The following DPP10 variants were observed in gnomAD, a reference collection of about 807,000 sequenced individuals.
DPP10 encodes the protein dipeptidyl peptidase like 10.
DPP10 carries 33 observed loss-of-function variants against 120.9 expected under a neutral mutation model. The observed-to-expected ratio is 0.27, with a 90% CI of 0.21 to 0.37. The LOEUF (loss-of-function observed/expected upper bound fraction) is 0.37, where lower values mean the gene tolerates loss of function less well. Among genes scored for constraint, DPP10 ranks in the 10% least tolerant of loss-of-function variants. The probability of loss-of-function intolerance (pLI) is 1.00; values close to 1 mark genes in which losing one functional copy is unlikely to be tolerated. For missense variants in DPP10, 816 were observed against 942.8 expected, an observed-to-expected ratio of 0.87 and a Z score of 1.76; for synonymous variants, 337 against 326.1, an observed-to-expected ratio of 1.03 and a Z score of -0.36.
intron 1 of DPP10, among the ~76,000 whole-genome samples, chr2:114,518,340 C>G (rs1371252895): frequency 1.3e-5 from 2 of 151,844 alleles, no homozygotes; most frequent in African/African-American, 4.8e-5. Context: ...GGCCTCCCAA[C>G]GTGCTAGGAT....
chr2:115,819,850 C>T (rs1488016430), intron 21 of DPP10, among the ~76,000 whole-genome samples: 6 of 151,958 alleles, frequency 3.9e-5, no homozygotes, highest in Admixed American at 1.3e-4. Context: ...CAAAACTAGC[C>T]GGGCATGGTG....
chr2:115,534,412 C>T (rs1379371934), intron 5 of DPP10, among the ~76,000 whole-genome samples: 1 of 151,144 alleles, frequency 6.6e-6, no homozygotes, highest in Non-Finnish European at 1.5e-5. Context: ...TTTCCAATTT[C>T]ATCCATGTCC....
chr2:114,620,061 A>G (rs1391327906), intron 1 of DPP10, among the ~76,000 whole-genome samples: 1 of 151,890 alleles, frequency 6.6e-6, no homozygotes, highest in Admixed American at 6.6e-5. Context: ...TCCTTCTACA[A>G]CTTATTATGT....
chr2:115,046,977 A>T (rs1334417343), intron 1 of DPP10, among the ~76,000 whole-genome samples: 1 of 152,048 alleles, frequency 6.6e-6, no homozygotes, highest in Admixed American at 6.6e-5. Context: ...CATCTGGTAC[A>T]TATTAACCAT....
chr2:115,676,510 G>C (rs1405492794), intron 5 of DPP10, among the ~76,000 whole-genome samples: 6 of 151,798 alleles, frequency 4.0e-5, no homozygotes, highest in Non-Finnish European at 5.9e-5. Context: ...TATTAAAAAA[G>C]AACCAAACAG....
rs191068767 is a variant in DPP10 at position 115,115,784 on chromosome 2, A to G, written c.61-193455A>G. Among the ~76,000 whole-genome samples the G allele has an allele frequency of 2.2e-3, 339 of 152,332 alleles. 1 individual carries two copies. Among genetic ancestry groups the G allele is most frequent in the African/African-American group, 7.6e-3 (318 of 41,572 alleles). On this transcript the variant is annotated intron_variant, in intron 1 of 25. Transcript: ENST00000410059. Reference sequence around the variant, plus strand: ...GTAATCCATAAAATTAGTAATATAAAAAGAAAATGCTCAAGATAATTGTGA... The same window carrying G: ...GTAATCCATAAAATTAGTAATATAAGAAGAAAATGCTCAAGATAATTGTGA...
chr2:114,801,212 G>A (rs1201384112), intron 1 of DPP10, among the ~76,000 whole-genome samples: 1 of 146,774 alleles, frequency 6.8e-6, no homozygotes, highest in Admixed American at 6.9e-5. Context: ...GCGGTGAGCC[G>A]AGATTGTGCC....
chr2:115,690,065 G>C, intron 7 of DPP10, 144 bp downstream of exon 7: 1 of 690,740 alleles, frequency 1.4e-6, no homozygotes, highest in Non-Finnish European at 2.4e-6. Context: ...TTATCTAATA[G>C]TCCAACTTAA....
At chr2:114,879,147 C>A (rs1326634507) in intron 1 of DPP10, among the ~76,000 whole-genome samples, 2 of 141,334 alleles carry the variant, frequency 1.4e-5, no homozygotes, top group African/African-American at 5.2e-5. Context: ...TTTTTTTTTT[C>A]ATTTTTTTTC....
chr2:114,696,685 T>G (rs1700085303), intron 1 of DPP10, among the ~76,000 whole-genome samples: 1 of 151,724 alleles, frequency 6.6e-6, no homozygotes, highest in Admixed American at 6.6e-5. Context: ...CAAATAACAG[T>G]TACTAAAGAA....
intron 1 of DPP10, among the ~76,000 whole-genome samples, chr2:115,083,443 T>G (rs1167186915): frequency 1.3e-5 from 2 of 152,176 alleles, no homozygotes; most frequent in African/African-American, 4.8e-5. Flanking sequence ...TTCCTCTATT[T>G]CACATAGTAT....
chr2:115,405,411 G>A (rs183981633), intron 3 of DPP10, among the ~76,000 whole-genome samples: 14 of 152,272 alleles, frequency 9.2e-5, no homozygotes, highest in African/African-American at 2.6e-4. Context: ...GGTGTAGCCC[G>A]TGTGGCTACT....
chr2:115,107,911 C>T (rs556180166), intron 1 of DPP10, among the ~76,000 whole-genome samples: 29 of 152,172 alleles, frequency 1.9e-4, no homozygotes, highest in South Asian at 1.9e-3. Flanking sequence ...AGGGAAAAGA[C>T]ATCAAATAAC....
chr2:114,731,249 A>G (rs1676886110), intron 1 of DPP10, among the ~76,000 whole-genome samples: 1 of 151,714 alleles, frequency 6.6e-6, no homozygotes, highest in Non-Finnish European at 1.5e-5. Flanking sequence ...AAGTATGTTA[A>G]TATCATTTAT....
At chr2:114,812,895 A>G (rs945736075) in intron 1 of DPP10, among the ~76,000 whole-genome samples, 1 of 152,188 alleles carries the variant, frequency 6.6e-6, no homozygotes, top group Non-Finnish European at 1.5e-5. Flanking sequence ...ACAAAGAAAT[A>G]TAGGCTTGGC....
At position 115,052,179 on chromosome 2, in the gene DPP10, C is replaced by T. The variant is rs188493118; in HGVS notation, c.61-257060C>T. 1.8e-4 allele frequency among the ~76,000 whole-genome samples: 28 copies of T among 152,114 alleles called. No individual in the cohort carries two copies. The East Asian group carries it at 4.1e-3, about 22-fold the overall frequency. On this transcript the variant is annotated intron_variant, in intron 1 of 25. Coordinates refer to ENST00000410059, the MANE Select transcript of DPP10 (RefSeq NM_020868.6). Reference sequence around the variant, plus strand: ...CTCTCACTACATAGAAAAACTAACTCATAATGGATCAAACGCCTAAATGTA... The same window carrying T: ...CTCTCACTACATAGAAAAACTAACTTATAATGGATCAAACGCCTAAATGTA...
chr2:114,705,585 A>T (rs1462924481), intron 1 of DPP10, among the ~76,000 whole-genome samples: 5 of 152,132 alleles, frequency 3.3e-5, no homozygotes, highest in Admixed American at 1.3e-4. Flanking sequence ...ATATCTTGTT[A>T]TGTTTATACT....
chr2:115,823,388 C>A (rs1688001159), intron 21 of DPP10, among the ~76,000 whole-genome samples: 1 of 152,112 alleles, frequency 6.6e-6, no homozygotes, highest in Non-Finnish European at 1.5e-5. Context: ...TCACCAATCT[C>A]TTTTATGCAG....
rs764371602 is a variant in DPP10, at chr2:114,461,769, G to A, written c.60+18931G>A. On this transcript the variant is annotated intron_variant, in intron 1 of 25. Coordinates refer to ENST00000410059, the MANE Select transcript of DPP10 (RefSeq NM_020868.6). Reference sequence around the variant, plus strand: ...AGTCTGGGGCTCAGTGCTGCCATCCGTAAATTGGAGGATTAGAGAAATAAT... The same window carrying A: ...AGTCTGGGGCTCAGTGCTGCCATCCATAAATTGGAGGATTAGAGAAATAAT... 166 of 985,348 alleles carry A rather than the reference G, an allele frequency of 1.7e-4. 2 individuals are homozygous for A. The Middle Eastern group carries it at 6.8e-3, about 40-fold the overall frequency. The allele number at this position is 985,348 out of a possible 1,614,324, so 61.0% of individuals were successfully genotyped here. A position where few individuals can be genotyped will look rare whatever the true frequency, so the allele number is the denominator to read the frequency against.
Sources: gnomAD v4.1 joint callset for allele counts (sites outside exome capture counted in the v4.1 genomes callset) on GRCh38, gnomAD v4.1.1 for gene constraint, MANE v1.5 for transcripts, NCBI Gene and HGNC (gene_info 2026-07-23, HGNC 2026-07-21) for gene names.